MALRD1: variants seen among roughly 807,000 people sequenced by gnomAD.
The protein encoded by MALRD1 is MAM and LDL-receptor class A domain-containing protein 1.
A neutral mutation model predicts 242.1 loss-of-function variants in MALRD1; 247 were observed. The observed-to-expected ratio is 1.02, with a 90% CI of 0.92 to 1.13. The LOEUF is 1.13. Ranked by LOEUF, MALRD1 falls within the 50% of genes most tolerant of loss-of-function variation. The pLI is 0.00. For synonymous variants in MALRD1, 995 were observed against 866.6 expected (o/e 1.15, Z -2.60); for missense variants, 2,989 against 2,533.1 (o/e 1.18, Z -3.86).
chr10:19,103,262 G>T (rs1264146338), intron 4 of MALRD1, among the ~76,000 whole-genome samples: 1 of 151,574 alleles, frequency 6.6e-6, no homozygotes, highest in South Asian at 2.1e-4. Context: ...GGCAAGAGTC[G>T]ATAAGATTTA....
intron 18 of MALRD1, among the ~76,000 whole-genome samples, chr10:19,248,507 ATAAC>A (rs1839163437): frequency 1.3e-5 from 2 of 152,078 alleles, no homozygotes; most frequent in African/African-American, 4.8e-5. Flanking sequence ...TTAAATATAA[ATAAC>A]TGTTTAAATT....
chr10:19,293,284 A>AT (rs1554827135), intron 21 of MALRD1, among the ~76,000 whole-genome samples: 7 of 152,086 alleles, frequency 4.6e-5, no homozygotes, highest in Non-Finnish European at 8.8e-5. Flanking sequence ...ATATACATAT[A>AT]TTTTTTTGCC....
At chr10:19,544,324 A>G (rs1835109896) in intron 32 of MALRD1, among the ~76,000 whole-genome samples, 1 of 152,040 alleles carries the variant, frequency 6.6e-6, no homozygotes, top group Non-Finnish European at 1.5e-5. Context: ...ATTAGCTGGG[A>G]ATACAGGTGC....
chr10:19,521,464 A>T (rs1465442632), intron 31 of MALRD1, among the ~76,000 whole-genome samples: 1 of 152,096 alleles, frequency 6.6e-6, no homozygotes, highest in Admixed American at 6.6e-5. Flanking sequence ...ATAAATATAT[A>T]TTAAATAACC....
intron 30 of MALRD1, chr10:19,493,276 C>T (rs1837569044): frequency 6.6e-6 from 1 of 152,060 alleles, no homozygotes; most frequent in South Asian, 2.1e-4. Flanking sequence ...TTTTTCTTTT[C>T]TGTGACTGGC....
chr10:19,463,703 A>C (rs1334372989), intron 29 of MALRD1, among the ~76,000 whole-genome samples: 1 of 151,916 alleles, frequency 6.6e-6, no homozygotes, highest in Non-Finnish European at 1.5e-5. Flanking sequence ...TTTTCGTATA[A>C]TTACTTCTTT....
intron 38 of MALRD1, among the ~76,000 whole-genome samples, chr10:19,729,718 A>ATTT (rs1347221983): frequency 5.3e-4 from 52 of 98,990 alleles, no homozygotes; most frequent in Non-Finnish European, 9.1e-4. Flanking sequence ...AAGTCTATTA[A>ATTT]TTCTTTTTTT....
chr10:19,211,684 CAAAAAAAAAAAAAAAAAAA>C (rs71387056), intron 18 of MALRD1, among the ~76,000 whole-genome samples: 3 of 67,324 alleles, frequency 4.5e-5, no homozygotes, highest in Non-Finnish European at 7.5e-5. Flanking sequence ...TGACTCCTCA[CAAAAAAAAAAAAAAAAAAA>C]AAAAAAAAAA....
chr10:19,111,974 T>C (rs1430765464), intron 5 of MALRD1, among the ~76,000 whole-genome samples: 2 of 152,010 alleles, frequency 1.3e-5, no homozygotes, highest in East Asian at 1.9e-4. Flanking sequence ...ATTGTAAAAT[T>C]AAGTAGCATT....
chr10:19,150,974 A>G (rs1225264355), intron 11 of MALRD1, among the ~76,000 whole-genome samples: 4 of 152,180 alleles, frequency 2.6e-5, no homozygotes, highest in Non-Finnish European at 5.9e-5. Context: ...ATATTTTTTA[A>G]GCAAGATATG....
intron 32 of MALRD1, among the ~76,000 whole-genome samples, chr10:19,548,517 A>G (rs1223633911): frequency 6.6e-6 from 1 of 152,150 alleles, no homozygotes; most frequent in African/African-American, 2.4e-5. Flanking sequence ...GGCCTGAATC[A>G]TCCTCCCTAA....
chr10:19,389,723 T>C, intron 28 of MALRD1, 114 bp downstream of exon 28: 1 of 1,155,054 alleles, frequency 8.7e-7, no homozygotes, highest in Non-Finnish European at 1.2e-6. Context: ...TACTGCAGCC[T>C]CCAACTCCTG....
chr10:19,300,518 C>T (rs1478234370), intron 21 of MALRD1, among the ~76,000 whole-genome samples: 1 of 151,730 alleles, frequency 6.6e-6, no homozygotes, highest in Non-Finnish European at 1.5e-5. Context: ...GACACATAGA[C>T]CAATAGAAGA....
intron 28 of MALRD1, among the ~76,000 whole-genome samples, chr10:19,424,686 G>T (rs1833837900): frequency 6.6e-6 from 1 of 151,986 alleles, no homozygotes; most frequent in African/African-American, 2.4e-5. Flanking sequence ...TGCCTGATTT[G>T]GTTTTCAGAA....
chr10:19,580,338 C>G (rs1837049399), intron 33 of MALRD1, among the ~76,000 whole-genome samples: 1 of 152,024 alleles, frequency 6.6e-6, no homozygotes, highest in Admixed American at 6.6e-5. Flanking sequence ...TCTTTTGGGG[C>G]CTCTTAAGAC....
At chr10:19,606,135 A>G (rs187253617) in intron 34 of MALRD1, among the ~76,000 whole-genome samples, 2 of 152,278 alleles carry the variant, frequency 1.3e-5, no homozygotes, top group Admixed American at 1.3e-4. Flanking sequence ...GATAAGTAAA[A>G]TAAATTATTT....
intron 36 of MALRD1, among the ~76,000 whole-genome samples, chr10:19,651,168 A>C (rs1463703168): frequency 6.6e-6 from 1 of 152,242 alleles, no homozygotes; most frequent in Admixed American, 6.5e-5. Context: ...TTTAGTTACT[A>C]TCTTAGTTAC....
intron 18 of MALRD1, among the ~76,000 whole-genome samples, chr10:19,229,496 C>A (rs188866846): frequency 6.6e-6 from 1 of 152,144 alleles, no homozygotes; most frequent in South Asian, 2.1e-4. Flanking sequence ...GTTCCGCTGG[C>A]TGATCTCTAT....
intron 18 of MALRD1, among the ~76,000 whole-genome samples, chr10:19,245,867 A>G (rs1393784332): frequency 6.6e-6 from 1 of 152,170 alleles, no homozygotes; most frequent in Non-Finnish European, 1.5e-5. Flanking sequence ...TATTTTAAAA[A>G]TTTCTTGAGA....
Sources: gnomAD v4.1 joint callset for allele counts (sites outside exome capture counted in the v4.1 genomes callset) on GRCh38, gnomAD v4.1.1 for gene constraint, MANE v1.5 for transcripts, NCBI Gene and HGNC (gene_info 2026-07-23, HGNC 2026-07-21) for gene names.